MACROD2: variants seen among roughly 807,000 people sequenced by gnomAD.
MACROD2 encodes mono-ADP ribosylhydrolase 2, also known as ADP-ribose glycohydrolase MACROD2.
In MACROD2, 36 loss-of-function variants were observed where a neutral mutation model predicts 70.4. The observed-to-expected ratio is 0.51, with a 90% CI of 0.39 to 0.68. The LOEUF is 0.68. MACROD2 is among the 30% of genes least tolerant of loss of function. The pLI is 0.00. For missense variants in MACROD2, 496 were observed against 538.4 expected (o/e 0.92, Z 0.78); for synonymous variants, 172 against 178.8 (o/e 0.96, Z 0.30).
At chr20:15,176,774 C>T (rs186726738) in intron 5 of MACROD2, among the ~76,000 whole-genome samples, 16 of 152,298 alleles carry the variant, frequency 1.1e-4, no homozygotes, top group African/African-American at 3.6e-4. Context: ...CATGCTCCCC[C>T]TCCTTCCATG....
At chr20:14,276,114 A>G (rs1173205483) in intron 3 of MACROD2, among the ~76,000 whole-genome samples, 2 of 152,114 alleles carry the variant, frequency 1.3e-5, no homozygotes, top group Non-Finnish European at 2.9e-5. Flanking sequence ...TGACCCAGCC[A>G]TCCCATTACT....
chr20:15,660,750 G>A (rs539371630), intron 8 of MACROD2, among the ~76,000 whole-genome samples: 58 of 152,206 alleles, frequency 3.8e-4, no homozygotes, highest in Non-Finnish European at 6.2e-4. Context: ...GAACTGTGGT[G>A]TGCATGTGTG....
intron 3 of MACROD2, among the ~76,000 whole-genome samples, chr20:14,339,641 T>G (rs561354771): frequency 1.3e-5 from 2 of 152,322 alleles, no homozygotes; most frequent in African/African-American, 4.8e-5. Flanking sequence ...GTTAGCAGTT[T>G]GGAGGTTTCC....
At chr20:14,706,182 C>G (rs1053101177) in intron 5 of MACROD2, among the ~76,000 whole-genome samples, 1 of 151,880 alleles carries the variant, frequency 6.6e-6, no homozygotes, top group Non-Finnish European at 1.5e-5. Flanking sequence ...GGTGTGGTGG[C>G]ACACACCTGT....
intron 4 of MACROD2, among the ~76,000 whole-genome samples, chr20:14,535,505 C>CAAAAAAA: frequency 1.6e-5 from 1 of 62,998 alleles, no homozygotes; most frequent in Non-Finnish European, 3.0e-5. Flanking sequence ...AACTCCGTCT[C>CAAAAAAA]AAAAAAAAAA....
intron 6 of MACROD2, among the ~76,000 whole-genome samples, chr20:15,376,590 TG>T (rs1404292392): frequency 6.6e-6 from 1 of 152,220 alleles, no homozygotes; most frequent in African/African-American, 2.4e-5. Context: ...CTCCTACCAC[TG>T]GGACTGTGAG....
At chr20:14,409,887 A>G (rs1448835092) in intron 3 of MACROD2, among the ~76,000 whole-genome samples, 1 of 152,150 alleles carries the variant, frequency 6.6e-6, no homozygotes, top group African/African-American at 2.4e-5. Context: ...TAGAAGAAAC[A>G]TGAAAGTATA....
intron 4 of MACROD2, among the ~76,000 whole-genome samples, chr20:14,671,917 T>C (rs971705399): frequency 3.3e-5 from 5 of 152,224 alleles, no homozygotes; most frequent in African/African-American, 1.2e-4. Context: ...ATGCAGGCTA[T>C]AGGTGACCTC....
intron 4 of MACROD2, among the ~76,000 whole-genome samples, chr20:14,565,340 T>A (rs1170236548): frequency 7.9e-6 from 1 of 127,080 alleles, no homozygotes; most frequent in Non-Finnish European, 1.8e-5. Context: ...CCTGAATCTA[T>A]AAAAATGTAA....
chr20:16,047,207 G>A (rs6080104), intron 17 of MACROD2, among the ~76,000 whole-genome samples: 7,905 of 152,182 alleles, frequency 0.052, 307 homozygotes, highest in Middle Eastern at 0.085. Context: ...TGATCTGGTC[G>A]TTTGACAGAA....
At chr20:15,745,780 G>T (rs73107343) in intron 8 of MACROD2, among the ~76,000 whole-genome samples, 19,838 of 151,910 alleles carry the variant, frequency 0.13, 1,497 homozygotes, top group Non-Finnish European at 0.16. Flanking sequence ...TAGCTATTCC[G>T]TTTTTTCCAG....
chr20:16,045,808 A>G (rs1260616531), intron 17 of MACROD2, among the ~76,000 whole-genome samples: 1 of 152,060 alleles, frequency 6.6e-6, no homozygotes, highest in Non-Finnish European at 1.5e-5. Flanking sequence ...AACCTAAAAG[A>G]TATCACTGGA....
At chr20:14,155,052 GAA>G (rs1295866599) in intron 3 of MACROD2, among the ~76,000 whole-genome samples, 1 of 152,146 alleles carries the variant, frequency 6.6e-6, no homozygotes, top group African/African-American at 2.4e-5. Context: ...TTTCGTAGTT[GAA>G]ATCTCTGTTA....
intron 12 of MACROD2, among the ~76,000 whole-genome samples, chr20:15,963,058 C>T (rs2066086035): frequency 6.6e-6 from 1 of 152,174 alleles, no homozygotes; most frequent in Non-Finnish European, 1.5e-5. Context: ...GGAAAAATTA[C>T]TTTGTCCTAA....
chr20:15,198,219 A>C (rs1476497314), intron 5 of MACROD2, among the ~76,000 whole-genome samples: 1 of 152,018 alleles, frequency 6.6e-6, no homozygotes, highest in Non-Finnish European at 1.5e-5. Context: ...TCAGCCTCCC[A>C]GAGTGTTTGA....
At chr20:14,459,777 C>T (rs953963448) in intron 3 of MACROD2, among the ~76,000 whole-genome samples, 4 of 152,002 alleles carry the variant, frequency 2.6e-5, no homozygotes, top group African/African-American at 9.7e-5. Flanking sequence ...GCAGAACATG[C>T]AGGTTTGTTA....
rs182331883 is a variant in MACROD2 at position 14,978,002 on chromosome 20, G to T, written c.419-251938G>T. 4.3e-3 allele frequency among the ~76,000 whole-genome samples: 650 copies of T among 152,146 alleles called. 16 individuals carry two copies. The highest frequency in any genetic ancestry group is 0.036 in the Admixed American group (557 of 15,276). On this transcript the variant is annotated intron_variant, in intron 5 of 17. Transcript: ENST00000684519. ...CATTTCTGCCTAGGTTCATATTGAA[G>T]CTTCAGATTCTTCCTTAATATGTGC... is the stretch of plus-strand genomic sequence containing the variant.
At chr20:14,135,966 A>G (rs767407845) in intron 3 of MACROD2, among the ~76,000 whole-genome samples, 11 of 152,216 alleles carry the variant, frequency 7.2e-5, no homozygotes, top group Admixed American at 4.6e-4. Flanking sequence ...TTTCAATTCA[A>G]CATTATGCTG....
intron 5 of MACROD2, among the ~76,000 whole-genome samples, chr20:15,088,346 T>A (rs2075764064): frequency 6.9e-6 from 1 of 144,706 alleles, no homozygotes; most frequent in Admixed American, 7.0e-5. Context: ...ATGAAATAGA[T>A]CAGCATCTGC....
Sources: allele counts gnomAD v4.1 joint callset (sites outside exome capture counted in the v4.1 genomes callset), GRCh38; gene constraint gnomAD v4.1.1; transcripts MANE v1.5; gene names NCBI Gene and HGNC (gene_info 2026-07-23, HGNC 2026-07-21).